Variants in ZNF385D observed in about 807,000 individuals in gnomAD.
The protein encoded by ZNF385D is zinc finger protein 385D.
Under a neutral mutation model 35.8 loss-of-function variants are expected in ZNF385D, and 15 were observed. The observed-to-expected ratio is 0.42, with a 90% CI of 0.28 to 0.64. The LOEUF (loss-of-function observed/expected upper bound fraction) is 0.64. Among genes scored for constraint, ZNF385D ranks in the 30% least tolerant of loss-of-function variants. The pLI, the probability that ZNF385D is intolerant of heterozygous loss-of-function variation, is 0.23. For synonymous variants in ZNF385D, 212 were observed against 186.8 expected, an observed-to-expected ratio of 1.13 and a Z score of -1.10; for missense variants, 474 against 494.6, an observed-to-expected ratio of 0.96 and a Z score of 0.39.
At chr3:21,724,044 C>A (rs36093528) in intron 1 of ZNF385D, among the ~76,000 whole-genome samples, 24,721 of 151,910 alleles carry the variant, frequency 0.16, 2,435 homozygotes, top group Admixed American at 0.29. Context: ...CATATCCAGC[C>A]AAACTAAGCT....
intron 3 of ZNF385D, among the ~76,000 whole-genome samples, chr3:21,982,038 C>T (rs1456322548): frequency 1.4e-5 from 2 of 141,824 alleles, no homozygotes; most frequent in East Asian, 2.0e-4. Flanking sequence ...ATCGCCTTGG[C>T]TATTTGGGCT....
intron 2 of ZNF385D, among the ~76,000 whole-genome samples, chr3:22,361,104 C>T (rs1187519096): frequency 1.3e-5 from 2 of 151,976 alleles, no homozygotes; most frequent in Non-Finnish European, 2.9e-5. Flanking sequence ...TCTGGGAAAG[C>T]AGTTAAGTTG....
At chr3:21,757,120 C>T (rs372488097) in intron 3 of ZNF385D, among the ~76,000 whole-genome samples, 53 of 106,420 alleles carry the variant, frequency 5.0e-4, no homozygotes, top group Non-Finnish European at 7.4e-4. Context: ...ATAAATTTCT[C>T]TTTTTTTTTT....
Position 21,751,141 on chromosome 3 carries a change from G to T in ZNF385D, c.-225C>A. ...GGAGAGTGCGCTCGGGCTGCCTGCT[G>T]CACTGCCCATCCTTACTGTAATCCG... On this transcript the variant is annotated 5_prime_UTR_variant, in exon 1 of 8. The change creates a premature stop within an existing upstream ORF in the 5' untranslated region. Coordinates refer to ENST00000281523, the MANE Select transcript of ZNF385D (RefSeq NM_024697.3). 6.9e-7 allele frequency: 1 copy of T among 1,450,392 alleles called. No individual in the cohort carries two copies. 89.8% of individuals were successfully genotyped at this position (1,450,392 alleles called of 1,614,324 possible).
At chr3:21,802,527 C>T (rs2072452788) in intron 3 of ZNF385D, among the ~76,000 whole-genome samples, 1 of 151,310 alleles carries the variant, frequency 6.6e-6, no homozygotes, top group Admixed American at 6.6e-5. Flanking sequence ...AAAGAAATTT[C>T]ATTTTCAGAA....
chr3:22,067,707 T>C (rs1700025340), intron 3 of ZNF385D, among the ~76,000 whole-genome samples: 1 of 152,162 alleles, frequency 6.6e-6, no homozygotes, highest in African/African-American at 2.4e-5. Flanking sequence ...AAAGAAGCAA[T>C]TATTCTACAA....
At chr3:22,090,541 C>T (rs1701275469) in intron 3 of ZNF385D, among the ~76,000 whole-genome samples, 1 of 151,994 alleles carries the variant, frequency 6.6e-6, no homozygotes, top group African/African-American at 2.4e-5. Context: ...AATTCACAGC[C>T]TAAGGGTCAG....
chr3:21,619,162 C>G (rs1230307625), intron 2 of ZNF385D, among the ~76,000 whole-genome samples: 1 of 152,164 alleles, frequency 6.6e-6, no homozygotes, highest in Non-Finnish European at 1.5e-5. Flanking sequence ...TCACCTCTCC[C>G]CACACTTTAG....
chr3:21,730,913 T>C (rs1401601013), intron 1 of ZNF385D, among the ~76,000 whole-genome samples: 1 of 152,220 alleles, frequency 6.6e-6, no homozygotes, highest in Non-Finnish European at 1.5e-5. Context: ...ATCATAATTT[T>C]ACTTAATGCT....
At chr3:22,199,335 T>A (rs1214498613) in intron 2 of ZNF385D, among the ~76,000 whole-genome samples, 2 of 152,126 alleles carry the variant, frequency 1.3e-5, no homozygotes, top group African/African-American at 4.8e-5. Context: ...ATGATTTGAA[T>A]GTTTTATTCA....
intron 2 of ZNF385D, among the ~76,000 whole-genome samples, chr3:22,250,706 A>G (rs1173141631): frequency 2.6e-5 from 4 of 152,106 alleles, no homozygotes; most frequent in South Asian, 2.1e-4. Context: ...CAGGTTATGC[A>G]TGCACAAAGC....
chr3:21,765,085 G>A (rs190494202), intron 3 of ZNF385D, among the ~76,000 whole-genome samples: 3 of 152,184 alleles, frequency 2.0e-5, no homozygotes, highest in African/African-American at 7.2e-5. Context: ...TTTCCAAAAT[G>A]AGAGTCTTTA....
chr3:21,654,803 A>G (rs1461275842), intron 2 of ZNF385D, among the ~76,000 whole-genome samples: 2 of 152,074 alleles, frequency 1.3e-5, no homozygotes, highest in Non-Finnish European at 2.9e-5. Flanking sequence ...AATTTCCATT[A>G]AACAGTTCTC....
At chr3:22,074,065 G>A (rs79624242) in intron 3 of ZNF385D, among the ~76,000 whole-genome samples, 2,127 of 151,970 alleles carry the variant, frequency 0.014, 50 homozygotes, top group African/African-American at 0.048. Context: ...TGTACCCTAA[G>A]TAACACTTTG....
intron 2 of ZNF385D, among the ~76,000 whole-genome samples, chr3:21,584,821 A>G (rs2063765325): frequency 6.6e-6 from 1 of 152,114 alleles, no homozygotes; most frequent in Non-Finnish European, 1.5e-5. Flanking sequence ...CTAATTCTAG[A>G]CTGTCTCCAG....
intron 2 of ZNF385D, among the ~76,000 whole-genome samples, chr3:22,280,877 T>A (rs1227709639): frequency 6.6e-6 from 1 of 152,158 alleles, no homozygotes; most frequent in Non-Finnish European, 1.5e-5. Context: ...TTCACGTATT[T>A]CCATTTGTTT....
At chr3:21,617,547 C>T (rs558223693) in intron 2 of ZNF385D, among the ~76,000 whole-genome samples, 14 of 152,266 alleles carry the variant, frequency 9.2e-5, no homozygotes, top group South Asian at 2.1e-4. Context: ...AACAACCCCA[C>T]GAGAAAGATA....
chr3:22,140,508 A>C (rs996815585), intron 3 of ZNF385D, among the ~76,000 whole-genome samples: 1 of 152,120 alleles, frequency 6.6e-6, no homozygotes, highest in African/African-American at 2.4e-5. Flanking sequence ...TATGTGATAA[A>C]ATTTCATAGA....
chr3:21,632,732 A>G (rs973404076), intron 2 of ZNF385D, among the ~76,000 whole-genome samples: 3 of 152,166 alleles, frequency 2.0e-5, no homozygotes, highest in Non-Finnish European at 4.4e-5. Flanking sequence ...GTAGTGGGTC[A>G]TACATCATCT....
Sources: gnomAD v4.1 joint callset for allele counts (sites outside exome capture counted in the v4.1 genomes callset) on GRCh38, gnomAD v4.1.1 for gene constraint, MANE v1.5 for transcripts, NCBI Gene and HGNC (gene_info 2026-07-23, HGNC 2026-07-21) for gene names.